NEGR1: variants seen among roughly 807,000 people sequenced by gnomAD.
The protein encoded by NEGR1 is IgLON family member 4.
Under a neutral mutation model 40.9 loss-of-function variants are expected in NEGR1, and 10 were observed. The observed-to-expected ratio is 0.24, with a 90% confidence interval of 0.15 to 0.42. The LOEUF (loss-of-function observed/expected upper bound fraction) is 0.42, where lower values mean the gene tolerates loss of function less well. Among genes scored for constraint, NEGR1 ranks in the 10% least tolerant of loss-of-function variants. NEGR1 has a pLI of 1.00. For synonymous variants in NEGR1, 185 were observed against 166.8 expected, an observed-to-expected ratio of 1.11 and a Z score of -0.84; for missense variants, 352 against 438.9, an observed-to-expected ratio of 0.80 and a Z score of 1.77.
intron 4 of NEGR1, among the ~76,000 whole-genome samples, chr1:71,662,935 C>T (rs1234115632): frequency 6.9e-6 from 1 of 144,284 alleles, no homozygotes; most frequent in Non-Finnish European, 1.5e-5. Flanking sequence ...ATTACTTCTA[C>T]CAGTTTTGTT....
chr1:71,826,139 T>C (rs541172100), intron 2 of NEGR1, among the ~76,000 whole-genome samples: 11 of 152,036 alleles, frequency 7.2e-5, no homozygotes, highest in African/African-American at 2.6e-4. Flanking sequence ...TGTTCTCATC[T>C]AAAATTGTTT....
At chr1:71,775,245 T>C (rs765221717) in intron 3 of NEGR1, among the ~76,000 whole-genome samples, 1 of 152,186 alleles carries the variant, frequency 6.6e-6, no homozygotes, top group Non-Finnish European at 1.5e-5. Context: ...CTTTTGTCTA[T>C]TGATTGGTGA....
intron 1 of NEGR1, among the ~76,000 whole-genome samples, chr1:72,205,354 G>A (rs1398957192): frequency 6.6e-6 from 1 of 151,752 alleles, no homozygotes; most frequent in Non-Finnish European, 1.5e-5. Flanking sequence ...GACTCTAAGA[G>A]TCAGAGGAGT....
chr1:71,790,375 C>T (rs990676819), intron 2 of NEGR1, among the ~76,000 whole-genome samples: 13 of 151,974 alleles, frequency 8.6e-5, no homozygotes, highest in African/African-American at 2.9e-4. Context: ...AAAACTATAC[C>T]GGAGGTCAGG....
chr1:72,223,694 A>T (rs907716872), intron 1 of NEGR1, among the ~76,000 whole-genome samples: 5 of 152,176 alleles, frequency 3.3e-5, no homozygotes, highest in Non-Finnish European at 7.4e-5. Context: ...AATAAATTAC[A>T]ATAATTCTGA....
intron 6 of NEGR1, among the ~76,000 whole-genome samples, chr1:71,502,772 A>T (rs357230): frequency 6.6e-6 from 1 of 151,996 alleles, no homozygotes; most frequent in Non-Finnish European, 1.5e-5. Context: ...TGGACTATAA[A>T]TTCAACCTTG....
intron 1 of NEGR1, among the ~76,000 whole-genome samples, chr1:72,037,542 A>C (rs1557495222): frequency 6.6e-6 from 1 of 152,120 alleles, no homozygotes; most frequent in African/African-American, 2.4e-5. Context: ...ATTCTTTGGG[A>C]AGCACTCTGC....
chr1:71,443,769 T>C (rs1226352184), intron 6 of NEGR1, among the ~76,000 whole-genome samples: 1 of 152,204 alleles, frequency 6.6e-6, no homozygotes, highest in Non-Finnish European at 1.5e-5. Context: ...CATACTTTAG[T>C]TTTTTCTAAT....
chr1:71,974,107 C>A (rs1646281583), intron 1 of NEGR1, among the ~76,000 whole-genome samples: 3 of 152,146 alleles, frequency 2.0e-5, no homozygotes, highest in African/African-American at 7.2e-5. Flanking sequence ...CTTCTCACTG[C>A]AGATACTCAC....
intron 1 of NEGR1, among the ~76,000 whole-genome samples, chr1:72,241,262 G>A (rs1654735032): frequency 6.6e-6 from 1 of 151,598 alleles, no homozygotes; most frequent in Non-Finnish European, 1.5e-5. Context: ...TTTGTTTTGA[G>A]AGACAAAAAA....
At chr1:71,814,193 G>A (rs1011994061) in intron 2 of NEGR1, among the ~76,000 whole-genome samples, 1 of 152,080 alleles carries the variant, frequency 6.6e-6, no homozygotes, top group Admixed American at 6.6e-5. Context: ...TAATCATGCG[G>A]TTTTTGTCTT....
intron 2 of NEGR1, among the ~76,000 whole-genome samples, chr1:71,901,087 T>C (rs1661131610): frequency 1.3e-5 from 2 of 152,210 alleles, no homozygotes; most frequent in Non-Finnish European, 2.9e-5. Context: ...AATGATGACA[T>C]TAATCTTATT....
chr1:71,899,698 CAA>C (rs1272613514), intron 2 of NEGR1, among the ~76,000 whole-genome samples: 1 of 152,090 alleles, frequency 6.6e-6, no homozygotes, highest in Non-Finnish European at 1.5e-5. Context: ...TTTCTTTAAT[CAA>C]AAGTCTTCTT....
At chr1:71,894,778 C>A (rs1371943218) in intron 2 of NEGR1, among the ~76,000 whole-genome samples, 1 of 152,136 alleles carries the variant, frequency 6.6e-6, no homozygotes, top group Non-Finnish European at 1.5e-5. Context: ...CGTGGTGGCT[C>A]ATGCCTGTAG....
At chr1:72,199,414 C>T (rs576358732) in intron 1 of NEGR1, among the ~76,000 whole-genome samples, 1 of 151,980 alleles carries the variant, frequency 6.6e-6, no homozygotes, top group Non-Finnish European at 1.5e-5. Context: ...CTTAAGTAAC[C>T]TTAAAAGAGC....
chr1:71,929,174 A>G (rs1329325816), intron 2 of NEGR1, among the ~76,000 whole-genome samples: 1 of 152,096 alleles, frequency 6.6e-6, no homozygotes, highest in Non-Finnish European at 1.5e-5. Flanking sequence ...ATCATGTACA[A>G]AAAAACATGG....
rs189558132 is a variant in NEGR1 at position 72,222,129 on chromosome 1, C to A, written c.176+60190G>T. Among the ~76,000 whole-genome samples, 359 of 152,228 alleles carry A rather than the reference C, an allele frequency of 2.4e-3. 2 individuals carry two copies. Among genetic ancestry groups the A allele is most frequent in the African/African-American group, 8.2e-3 (342 of 41,544 alleles). On this transcript the variant is annotated intron_variant, in intron 1 of 6. Coordinates refer to ENST00000357731, the MANE Select transcript of NEGR1 (RefSeq NM_173808.3). ...CATCCCAGCACCTGGATGACCCTTG[C>A]AGATCAAAAGCCTTCCTTAGCACCA...
At chr1:71,658,703 A>G (rs1651952444) in intron 4 of NEGR1, among the ~76,000 whole-genome samples, 1 of 152,230 alleles carries the variant, frequency 6.6e-6, no homozygotes, top group African/African-American at 2.4e-5. Flanking sequence ...AAAATTAAAC[A>G]GAGTTTCTGA....
intron 1 of NEGR1, among the ~76,000 whole-genome samples, chr1:72,130,278 T>A (rs1033055486): frequency 6.6e-6 from 1 of 152,174 alleles, no homozygotes; most frequent in Non-Finnish European, 1.5e-5. Flanking sequence ...CAGGCACAGA[T>A]AAAGTTGTTT....
Sources: gnomAD v4.1 joint callset for allele counts (sites outside exome capture counted in the v4.1 genomes callset) on GRCh38, gnomAD v4.1.1 for gene constraint, MANE v1.5 for transcripts, NCBI Gene and HGNC (gene_info 2026-07-23, HGNC 2026-07-21) for gene names.